Variants in TNKS1BP1 observed in about 807,000 individuals in gnomAD.
The protein encoded by TNKS1BP1 is 182 kDa tankyrase-1-binding protein.
A neutral mutation model predicts 141.1 loss-of-function variants in TNKS1BP1; 48 were observed. The ratio of observed to expected loss-of-function variants is 0.34; its 90% confidence interval spans 0.27 to 0.43. TNKS1BP1 has a LOEUF of 0.43. Ranked by LOEUF, TNKS1BP1 falls within the 20% of genes least tolerant of loss-of-function variation. TNKS1BP1 has a pLI of 1.00. For missense variants in TNKS1BP1, 2,149 were observed against 2,226.0 expected, an observed-to-expected ratio of 0.97 and a Z score of 0.70; for synonymous variants, 875 against 898.2, an observed-to-expected ratio of 0.97 and a Z score of 0.46.
In TNKS1BP1 at chr11:57,302,579, C is replaced by T; in HGVS notation, c.4563G>A (p.Val1521=). The change falls in exon 7 of 12, where the codon GTG becomes GTA. Residue 1521 remains valine, a synonymous_variant. Coordinates refer to ENST00000358252, the MANE Select transcript of TNKS1BP1 (RefSeq NM_033396.3). This position sits in a 1 kb window ranked among gnomAD's most constrained non-coding sequence, Gnocchi z 5.5. The part of the protein sequence containing the change: ...PDGEASQTED[V]DGTWGSSAAR... ...CTGCTGAAGAGCCCCAGGTGCCATC[C>T]ACGTCTTCTGTCTGGCTGGCCTCAC... 1 of 1,613,090 alleles carries T rather than the reference C, an allele frequency of 6.2e-7. No individual in the cohort carries two copies. The highest frequency in any genetic ancestry group is 8.5e-7 in the Non-Finnish European group (1 of 1,179,928).
intron 4 of TNKS1BP1, among the ~76,000 whole-genome samples, chr11:57,314,885 C>G (rs1420396775): frequency 2.0e-5 from 3 of 152,164 alleles, no homozygotes; most frequent in Non-Finnish European, 4.4e-5. Context: ...GCTTGCTTCT[C>G]AAGGTCCCTT....
At chr11:57,318,448 G>A (rs2134371301) in intron 3 of TNKS1BP1, among the ~76,000 whole-genome samples, 1 of 152,318 alleles carries the variant, frequency 6.6e-6, no homozygotes, top group East Asian at 1.9e-4. Context: ...GACTAGCTCT[G>A]GGGCCAAGGC....
At chr11:57,321,212 C>T (rs1394025433) in intron 2 of TNKS1BP1, among the ~76,000 whole-genome samples, 1 of 152,164 alleles carries the variant, frequency 6.6e-6, no homozygotes, top group Non-Finnish European at 1.5e-5. Flanking sequence ...TCCTCCCCCA[C>T]CCACAGCACA....
intron 1 of TNKS1BP1, 84 bp from the exon 2 acceptor site, chr11:57,322,034 A>G: frequency 1.0e-6 from 1 of 970,742 alleles, no homozygotes. Flanking sequence ...TATTTCTAAC[A>G]GAGGCAGAGT....
In TNKS1BP1 at chr11:57,300,531, A is replaced by T; in HGVS notation, c.*9T>A. Reference sequence around the variant, plus strand: ...AAGCCCAGGAACCTGTCCTCACCTCAGTGACTTCTCAGACCTTCTTCTTCT... The same window carrying T: ...AAGCCCAGGAACCTGTCCTCACCTCTGTGACTTCTCAGACCTTCTTCTTCT... On this transcript the variant is annotated 3_prime_UTR_variant, in exon 11 of 12. Coordinates refer to ENST00000358252, the MANE Select transcript of TNKS1BP1 (RefSeq NM_033396.3). 6.2e-7 allele frequency: 1 copy of T among 1,614,208 alleles called. No homozygotes were observed. Among genetic ancestry groups the T allele is most frequent in the Non-Finnish European group, 8.5e-7 (1 of 1,180,018 alleles).
At chr11:57,322,019 T>G in intron 1 of TNKS1BP1, 69 bp from the exon 2 acceptor site, 2 of 1,208,528 alleles carry the variant, frequency 1.7e-6, no homozygotes, top group South Asian at 3.3e-5. Flanking sequence ...CAGAGAGAAG[T>G]CTCCTATTTC....
intron 1 of TNKS1BP1, among the ~76,000 whole-genome samples, chr11:57,323,141 G>T (rs1435139871): frequency 6.6e-6 from 1 of 152,178 alleles, no homozygotes; most frequent in Non-Finnish European, 1.5e-5. Flanking sequence ...TTCAACAAAT[G>T]TTGCCTATTA....
Position 57,313,029 on chromosome 11 carries a change from G to T in TNKS1BP1, c.1659C>A (p.Thr553=). The change falls in exon 5 of 12, where the codon ACC becomes ACA. Residue 553 remains threonine (T), a synonymous_variant. Coordinates refer to ENST00000358252, the MANE Select transcript of TNKS1BP1 (RefSeq NM_033396.3). ...GTTGACTCTCCCCATCGCCCTTCTG[G>T]GTGAGGGACATGCTTGGATCATCCC... ...VQGDDPSMSL[T]QKGDGESQPQ... is the part of the protein sequence containing the mutation. The T allele has an allele frequency of 6.2e-7, 1 of 1,613,908 alleles. No individual in the cohort carries two copies. The highest frequency in any genetic ancestry group is 1.7e-5 in the Admixed American group (1 of 60,026).
In TNKS1BP1 at chr11:57,324,849, C is replaced by A. The variant is rs1203335610; in HGVS notation, c.-75G>T. The A allele has an allele frequency of 1.0e-6, 1 of 986,156 alleles. No homozygotes were observed. The highest frequency in any genetic ancestry group is 1.2e-6 in the Non-Finnish European group (1 of 830,416). The allele number at this position is 986,156 out of a possible 1,614,324, so 61.1% of individuals were successfully genotyped here. On this transcript the variant is annotated 5_prime_UTR_variant, in exon 1 of 12. Coordinates refer to ENST00000358252, the MANE Select transcript of TNKS1BP1 (RefSeq NM_033396.3). ...GCCCCCGCGCACTCACGCGCTCGCC[C>A]GGGGTCCGGCTCCGCTCGGCTCGGG...
In TNKS1BP1 at chr11:57,312,738, G is replaced by T. The variant is rs567644664; in HGVS notation, c.1950C>A (p.Ala650=). Residue 650 remains alanine (A), a synonymous_variant, in exon 5 of 12, where the codon GCC becomes GCA. Coordinates refer to ENST00000358252, the MANE Select transcript of TNKS1BP1 (RefSeq NM_033396.3). Reference sequence around the variant, plus strand: ...TGGTCTCAGCCCGGGCTAGGGTCACGGCCTCCTCCTCAACAGGCAGTGCCT... The same window carrying T: ...TGGTCTCAGCCCGGGCTAGGGTCACTGCCTCCTCCTCAACAGGCAGTGCCT... ...PGQALPVEEE[A]VTLARAETTQ... is the part of the protein sequence containing the mutation. 1.3e-6 allele frequency: 2 copies of T among 1,586,152 alleles called. No individual in the cohort carries two copies. The highest frequency in any genetic ancestry group is 2.7e-5 in the African/African-American group (2 of 74,492).
In TNKS1BP1 at chr11:57,324,421, C is replaced by A. The variant is rs539491186; in HGVS notation, c.-66+419G>T. On this transcript the variant is annotated intron_variant, in intron 1 of 11. Transcript: ENST00000358252. ...AGCGGGCTGTGAAGCAGCCGGCGAA[C>A]AGACGGTGGGCTGCAGACGTCGATC... Among the ~76,000 whole-genome samples, 8 of 146,852 alleles carry A rather than the reference C, an allele frequency of 5.4e-5. No homozygotes were observed. In the South Asian group the frequency reaches 1.7e-3, roughly 31 times the overall value.
chr11:57,320,025 C>A, intron 3 of TNKS1BP1, 54 bp downstream of exon 3: 6 of 1,213,082 alleles, frequency 4.9e-6, no homozygotes, highest in South Asian at 1.3e-5. Context: ...CCACCCAATC[C>A]CACCCCACCT....
rs146932806 is a variant in TNKS1BP1, at chr11:57,313,437, G to A, written c.1251C>T (p.His417=). The A allele has an allele frequency of 1.9e-6, 3 of 1,608,132 alleles. No individual in the cohort carries two copies. Among genetic ancestry groups the A allele is most frequent in the African/African-American group, 1.3e-5 (1 of 74,856 alleles). Residue 417 remains histidine, a synonymous_variant, in exon 5 of 12, where the codon CAC becomes CAT. Transcript: ENST00000358252. ...GGEEEAKGDA[H]LRPTSLVQRR... is the part of the protein sequence containing the mutation. ...GCTGAACCAGGCTGGTGGGGCGGAG[G>A]TGTGCGTCACCCTTGGCCTCCTCCT...
At chr11:57,316,838 G>T (rs1326344704) in intron 4 of TNKS1BP1, among the ~76,000 whole-genome samples, 1 of 152,192 alleles carries the variant, frequency 6.6e-6, no homozygotes, top group South Asian at 2.1e-4. Context: ...TAAGACAGCA[G>T]CATCCCATGC....
At chr11:57,318,245 C>A (rs1414293301) in intron 3 of TNKS1BP1, among the ~76,000 whole-genome samples, 1 of 152,232 alleles carries the variant, frequency 6.6e-6, no homozygotes, top group Non-Finnish European at 1.5e-5. Flanking sequence ...AGGAAGAGTG[C>A]AGCTGGTCCT....
Position 57,309,325 on chromosome 11 carries a change from T to C in TNKS1BP1, c.3386A>G (p.Asn1129Ser), listed in dbSNP as rs1174423470. Residue 1129 changes from asparagine (N) to serine (S), a missense_variant, in exon 6 of 12, where the codon AAC becomes AGC. Coordinates refer to ENST00000358252, the MANE Select transcript of TNKS1BP1 (RefSeq NM_033396.3). The surrounding 1 kb of genome is among the most constrained non-coding windows in gnomAD (Gnocchi z 4.3). ...AAAGCCAGCACCACTCACTCTGTCG[T>C]TGCCAATGATGCCAAACTGATAGCT... ...ERSYQFGIIGNDRVSGAGFSP... is the reference protein window; with the variant it reads ...ERSYQFGIIGSDRVSGAGFSP... 1.9e-6 allele frequency: 3 copies of C among 1,614,064 alleles called. No individual in the cohort carries two copies. Among genetic ancestry groups the C allele is most frequent in the African/African-American group, 1.3e-5 (1 of 74,942 alleles).
intron 3 of TNKS1BP1, among the ~76,000 whole-genome samples, chr11:57,319,060 G>C (rs921321524): frequency 3.6e-4 from 54 of 151,512 alleles, no homozygotes; most frequent in African/African-American, 1.3e-3. Flanking sequence ...CAGGAGAATG[G>C]CGTGAACCCA....
rs1855658596 is a variant in TNKS1BP1 at position 57,309,014 on chromosome 11, C to T, written c.3697G>A (p.Val1233Met). The T allele has an allele frequency of 4.3e-6, 7 of 1,614,212 alleles. No homozygotes were observed. Among genetic ancestry groups the T allele is most frequent in the Admixed American group, 1.7e-5 (1 of 60,028 alleles). The change falls in exon 6 of 12, where the codon GTG (valine) becomes ATG (methionine). Residue 1233 changes from valine (V) to methionine (M), a missense_variant. Physicochemically the swap from Val to Met is conservative, Grantham distance 21. Transcript: ENST00000358252. This position sits in a 1 kb window ranked among gnomAD's most constrained non-coding sequence, Gnocchi z 4.3. ...ACCTCAGCCAAATCTTTGCTCTTCA[C>T]ATTAACATCAGAAGTCCAGTCCTTC... ...GEKDWTSDVNVKSKDLAEVGE... is the reference protein window; with the variant it reads ...GEKDWTSDVNMKSKDLAEVGE...
chr11:57,316,119 ACTACTCT>A (rs1454277193), intron 4 of TNKS1BP1, among the ~76,000 whole-genome samples: 1 of 152,026 alleles, frequency 6.6e-6, no homozygotes, highest in Non-Finnish European at 1.5e-5. Flanking sequence ...TTGCCACCTA[ACTACTCT>A]CGTCAAGGTC....
Sources: gnomAD v4.1 joint callset for allele counts (sites outside exome capture counted in the v4.1 genomes callset) on GRCh38, gnomAD v4.1.1 for gene constraint, Gnocchi (gnomAD v3.1) non-coding constraint, MANE v1.5 for transcripts, NCBI Gene and HGNC (gene_info 2026-07-23, HGNC 2026-07-21) for gene names.